The following ACTR3C variants were observed in gnomAD, a reference collection of about 807,000 sequenced individuals.
ACTR3C encodes the protein actin related protein 3C.
Under a neutral mutation model 26.3 loss-of-function variants are expected in ACTR3C, and 18 were observed. The ratio of observed to expected loss-of-function variants is 0.68; its 90% CI spans 0.47 to 1.01. The LOEUF (loss-of-function observed/expected upper bound fraction) is 1.01, where lower values mean the gene tolerates loss of function less well. ACTR3C is among the 50% of genes least tolerant of loss of function. The pLI, the probability that ACTR3C is intolerant of heterozygous loss-of-function variation, is 0.00. For missense variants in ACTR3C, 184 were observed against 250.7 expected (o/e 0.73, Z 1.80); for synonymous variants, 55 against 94.5 (o/e 0.58, Z 2.42).
chr7:150,161,161 G>A, the ACTR3C span, among the ~76,000 whole-genome samples: 1 of 146,570 alleles, frequency 6.8e-6, no homozygotes, highest in South Asian at 2.2e-4. Flanking sequence ...CATCAGATAT[G>A]TGCTCTTCCC....
chr7:150,313,301 G>C (rs1200103590), intron 1 of ACTR3C, among the ~76,000 whole-genome samples: 1 of 152,156 alleles, frequency 6.6e-6, no homozygotes, highest in African/African-American at 2.4e-5. Context: ...AGAAAGGTGG[G>C]ACAACTTGAA....
chr7:150,220,415 T>C, the ACTR3C span, among the ~76,000 whole-genome samples: 4 of 145,420 alleles, frequency 2.8e-5, no homozygotes, highest in African/African-American at 5.4e-5. Flanking sequence ...GGGTCCTCCT[T>C]CTGCAGCCGA....
At chr7:150,021,051 C>G in the ACTR3C span, among the ~76,000 whole-genome samples, 1 of 152,028 alleles carries the variant, frequency 6.6e-6, no homozygotes, top group Non-Finnish European at 1.5e-5. Flanking sequence ...GAACTCCTGA[C>G]CTCAGGCGAT....
the ACTR3C span, among the ~76,000 whole-genome samples, chr7:150,037,966 G>A: frequency 1.1e-4 from 16 of 140,244 alleles, 3 homozygotes; most frequent in African/African-American, 4.3e-4. Context: ...AGCCAGGGGA[G>A]GAAAGGGGGA....
chr7:150,089,175 T>C, the ACTR3C span, among the ~76,000 whole-genome samples: 1 of 152,200 alleles, frequency 6.6e-6, no homozygotes, highest in African/African-American at 2.4e-5. Flanking sequence ...GACAGCCCAC[T>C]TAAAAATGAT....
At chr7:149,891,121 T>A in the ACTR3C span, 1 of 540,678 alleles carries the variant, frequency 1.8e-6, no homozygotes, top group Non-Finnish European at 3.4e-6. Context: ...TAGAAAAGAA[T>A]ATCTTCAGTT....
the ACTR3C span, among the ~76,000 whole-genome samples, chr7:149,984,514 T>G: frequency 6.6e-6 from 1 of 151,098 alleles, no homozygotes; most frequent in East Asian, 1.9e-4. Flanking sequence ...ACGTTTTATC[T>G]ATTGTTGATG....
At chr7:150,051,211 A>G in the ACTR3C span, among the ~76,000 whole-genome samples, 1,236 of 151,968 alleles carry the variant, frequency 8.1e-3, 4 homozygotes, top group African/African-American at 0.028. Flanking sequence ...ATTGCAGTCG[A>G]GGGTGTGAGG....
the ACTR3C span, among the ~76,000 whole-genome samples, chr7:150,195,170 G>A: frequency 3.3e-5 from 5 of 150,028 alleles, no homozygotes; most frequent in African/African-American, 9.7e-5. Flanking sequence ...TCACAACAAT[G>A]TATGCTGTGA....
At chr7:150,006,412 T>C in the ACTR3C span, among the ~76,000 whole-genome samples, 5 of 147,758 alleles carry the variant, frequency 3.4e-5, no homozygotes, top group East Asian at 3.9e-4. Context: ...TTAGCCAGGA[T>C]GGTCTCGATC....
the ACTR3C span, among the ~76,000 whole-genome samples, chr7:150,069,085 A>G: frequency 1.3e-5 from 2 of 152,138 alleles, no homozygotes; most frequent in Middle Eastern, 3.2e-3. Flanking sequence ...CCTAAAACCT[A>G]CTATGACTTT....
chr7:150,281,236 A>G (rs1835311180), intron 6 of ACTR3C, among the ~76,000 whole-genome samples: 1 of 151,932 alleles, frequency 6.6e-6, no homozygotes, highest in South Asian at 2.1e-4. Context: ...GCGGCCGTCC[A>G]GAGAAAGGTG....
At chr7:149,923,233 C>T in the ACTR3C span, among the ~76,000 whole-genome samples, 1 of 151,412 alleles carries the variant, frequency 6.6e-6, no homozygotes, top group African/African-American at 2.4e-5. Flanking sequence ...GTAAATATTG[C>T]AAAACTGAGG....
the ACTR3C span, among the ~76,000 whole-genome samples, chr7:150,039,733 CGCGGGGG>C: frequency 7.3e-6 from 1 of 136,544 alleles, no homozygotes; most frequent in African/African-American, 2.6e-5. Flanking sequence ...TCCCCACCCT[CGCGGGGG>C]GTGCCTCCCC....
chr7:150,182,276 A>G, the ACTR3C span, among the ~76,000 whole-genome samples: 1,167 of 150,900 alleles, frequency 7.7e-3, 107 homozygotes, highest in African/African-American at 0.028. Flanking sequence ...TGTAAACTGA[A>G]TGTAGTTATA....
rs1345379058 is a variant in ACTR3C at position 150,274,186 on chromosome 7, G to A, written c.564+10567C>T. On this transcript the variant is annotated intron_variant, in intron 6 of 7. Coordinates refer to ENST00000683684, the MANE Select transcript of ACTR3C (RefSeq NM_001164458.2). This position sits in a 1 kb window ranked among gnomAD's most constrained non-coding sequence, Gnocchi z 4.1. Reference sequence around the variant, plus strand: ...GCGCCGAGGTGCAGTCTAGAGCAGGGTGGTCAGGACGCCTCACTAGAAGAT... The same window carrying A: ...GCGCCGAGGTGCAGTCTAGAGCAGGATGGTCAGGACGCCTCACTAGAAGAT... 6.6e-6 allele frequency among the ~76,000 whole-genome samples: 1 copy of A among 152,138 alleles called. No homozygotes were observed. The highest frequency in any genetic ancestry group is 1.9e-4 in the East Asian group (1 of 5,194).
chr7:149,904,549 C>A, the ACTR3C span, among the ~76,000 whole-genome samples: 5,123 of 70,932 alleles, frequency 0.072, 723 homozygotes, highest in African/African-American at 0.13. Context: ...ACAACAACAA[C>A]AAAAAAAACT....
the ACTR3C span, among the ~76,000 whole-genome samples, chr7:150,026,732 CATTA>C: frequency 6.6e-6 from 1 of 151,900 alleles, no homozygotes; most frequent in South Asian, 2.1e-4. Context: ...TGCATGACCT[CATTA>C]ATTAATTATG....
the ACTR3C span, among the ~76,000 whole-genome samples, chr7:150,057,276 CTTTTTTT>C: frequency 8.8e-6 from 1 of 113,970 alleles, no homozygotes; most frequent in Non-Finnish European, 1.7e-5. Flanking sequence ...GGAATAGGTC[CTTTTTTT>C]TTTTTTTTTT....
Sources: allele counts gnomAD v4.1 joint callset (sites outside exome capture counted in the v4.1 genomes callset), GRCh38; gene constraint gnomAD v4.1.1; non-coding constraint Gnocchi (gnomAD v3.1); transcripts MANE v1.5; gene names NCBI Gene and HGNC (gene_info 2026-07-23, HGNC 2026-07-21).